P2RX6: variants seen among roughly 807,000 people sequenced by gnomAD.
The protein encoded by P2RX6 is purinergic receptor P2X 6.
A neutral mutation model predicts 54.2 loss-of-function variants in P2RX6; 62 were observed. The observed-to-expected ratio is 1.14, with a 90% CI of 0.93 to 1.41. The LOEUF (loss-of-function observed/expected upper bound fraction) is 1.41. Among genes scored for constraint, P2RX6 ranks in the 40% most tolerant of loss-of-function variants. The probability of loss-of-function intolerance (pLI) is 0.00; values close to 1 mark genes in which losing one functional copy is unlikely to be tolerated. For missense variants in P2RX6, 541 were observed against 566.3 expected, an observed-to-expected ratio of 0.96 and a Z score of 0.45; for synonymous variants, 211 against 231.9, an observed-to-expected ratio of 0.91 and a Z score of 0.82.
intron 2 of P2RX6, among the ~76,000 whole-genome samples, chr22:21,016,721 G>C (rs1384487531): frequency 6.6e-6 from 1 of 151,954 alleles, no homozygotes; most frequent in Non-Finnish European, 1.5e-5. Context: ...GAACTTCCCT[G>C]TAGCCCTGCT....
chr22:21,010,417 C>G (rs1925674508), upstream of P2RX6: 1 of 152,214 alleles, frequency 6.6e-6, no homozygotes, highest in South Asian at 2.1e-4. Flanking sequence ...AACTGCTTCT[C>G]TGGCAGTTAC....
At chr22:21,020,383 T>C (rs1407886159) in intron 3 of P2RX6, among the ~76,000 whole-genome samples, 1 of 151,966 alleles carries the variant, frequency 6.6e-6, no homozygotes, top group Non-Finnish European at 1.5e-5. Context: ...TGCACCATGC[T>C]CTTTATAGTG....
chr22:21,012,928 C>T (rs1925832315), upstream of P2RX6: 1 of 159,184 alleles, frequency 6.3e-6, no homozygotes, highest in Non-Finnish European at 1.4e-5. Flanking sequence ...TAGGGCATGC[C>T]TGGCACAGGC....
rs776819058 is a variant in P2RX6 at position 21,023,006 on chromosome 22, G to C, written c.528G>C (p.Trp176Cys). Residue 176 changes from tryptophan to cysteine, a missense_variant, in exon 5 of 12, where the codon TGG becomes TGC. Physicochemically the swap from Trp to Cys is radical, Grantham distance 215. This residue lies in a region of P2RX6 where 526 missense variants were observed against 531.5 expected (regional missense o/e 0.99). Transcript: ENST00000413302. ...ACAGGACCTGTGAGATCTGGAGTTG[G>C]TGCCCCGTGGAGAGTGGCGTTGTGC... ...GTHRTCEIWSWCPVESGVVPS... is the reference protein window; with the variant it reads ...GTHRTCEIWSCCPVESGVVPS... 6.8e-6 allele frequency: 11 copies of C among 1,613,384 alleles called. No individual in the cohort carries two copies. The highest frequency in any genetic ancestry group is 1.7e-5 in the Admixed American group (1 of 59,970).
upstream of P2RX6, chr22:21,011,487 A>G: frequency 1.4e-6 from 1 of 711,578 alleles, no homozygotes; most frequent in Non-Finnish European, 2.6e-6. Context: ...CCTCCAGGCC[A>G]TTCCCTGACA....
chr22:21,026,252 G>C lies in P2RX6; in HGVS notation c.1051G>C (p.Val351Leu). The C allele has an allele frequency of 6.3e-7, 1 of 1,593,508 alleles. No individual in the cohort carries two copies. The highest frequency in any genetic ancestry group is 8.5e-7 in the Non-Finnish European group (1 of 1,170,540). The stretch of plus-strand genomic sequence containing the variant: ...CATGGGTTGGCCCTGCCTCTCCCAG[G>C]TCACCTTTTTCTGTGACCTGCTACT... The part of the protein sequence containing the change: ...LGTGAAWLGV[V>L]TFFCDLLLLY... The change falls in exon 11 of 12, where the codon GTC (valine) becomes CTC (leucine). Residue 351 changes from valine (V) to leucine (L), a missense_variant and splice_region_variant. Around this residue, in one of 2 missense-constraint regions of P2RX6, gnomAD observed 526 missense variants for 531.5 expected, o/e 0.99. Transcript: ENST00000413302. The surrounding 1 kb of genome is among the most constrained non-coding windows in gnomAD (Gnocchi z 4.0).
intron 1 of P2RX6, among the ~76,000 whole-genome samples, chr22:21,015,627 C>A (rs953467350): frequency 2.6e-5 from 4 of 152,058 alleles, no homozygotes; most frequent in African/African-American, 9.7e-5. Context: ...GAGCACTAGG[C>A]CCCCAGAGAG....
chr22:21,026,190 T>C lies in P2RX6; in HGVS notation c.1051-62T>C. ...GCACATTGAGTCTCGGGGTGCAGGC[T>C]GGGGAGGTGGCAGGAGAGCAGGCTC... On this transcript the variant is annotated intron_variant, in intron 10 of 11. Coordinates refer to ENST00000413302, the MANE Select transcript of P2RX6 (RefSeq NM_005446.5). This position sits in a 1 kb window ranked among gnomAD's most constrained non-coding sequence, Gnocchi z 4.0. 1.3e-6 allele frequency: 2 copies of C among 1,541,034 alleles called. No homozygotes were observed. The highest frequency in any genetic ancestry group is 2.4e-5 in the South Asian group (2 of 84,746).
rs1601769525 is a variant in P2RX6, at chr22:21,022,975, G to A, written c.497G>A (p.Gly166Glu). The A allele has an allele frequency of 6.2e-7, 1 of 1,613,492 alleles. No homozygotes were observed. The highest frequency in any genetic ancestry group is 1.7e-5 in the Admixed American group (1 of 59,964). The change falls in exon 5 of 12, where the codon GGG becomes GAG. Residue 166 changes from glycine to glutamate, a missense_variant. Around this residue, in one of 2 missense-constraint regions of P2RX6, gnomAD observed 526 missense variants for 531.5 expected, o/e 0.99. Transcript: ENST00000413302. ...VKTGQCVVFN[G>E]THRTCEIWSW... ...ACAGGCCAGTGTGTGGTGTTCAATG[G>A]GACCCACAGGACCTGTGAGATCTGG...
At chr22:21,025,267 G>C (rs764353431) in intron 8 of P2RX6, among the ~76,000 whole-genome samples, 2 of 152,050 alleles carry the variant, frequency 1.3e-5, no homozygotes, top group Admixed American at 6.6e-5. Flanking sequence ...GCGTCACCTC[G>C]TCATGCAGGC....
chr22:21,015,955 G>T lies in P2RX6; in HGVS notation c.178G>T (p.Ala60Ser). The T allele has an allele frequency of 6.5e-7, 1 of 1,549,640 alleles. No homozygotes were observed. Among genetic ancestry groups the T allele is most frequent in the Non-Finnish European group, 8.7e-7 (1 of 1,146,898 alleles). ...TCTCCTCCCCAGGTGGGCTCTCCTC[G>T]CCAAAAAAGGCTACCAGGAGCGGGA... ...VVYVVGWALL[A>S]KKGYQERDLE... The change falls in exon 2 of 12, where the codon GCC (alanine) becomes TCC (serine). Residue 60 changes from alanine to serine, a missense_variant. Physicochemically the swap from Ala to Ser is moderately conservative, Grantham distance 99. This residue lies in a region of P2RX6 where 526 missense variants were observed against 531.5 expected (regional missense o/e 0.99). Coordinates refer to ENST00000413302, the MANE Select transcript of P2RX6 (RefSeq NM_005446.5).
At chr22:21,022,610 T>G (rs1192741944) in intron 3 of P2RX6, 66 bp from the exon 4 acceptor site, 1 of 1,273,414 alleles carries the variant, frequency 7.9e-7, no homozygotes, top group Non-Finnish European at 1.1e-6. Flanking sequence ...TCCCTGCCTT[T>G]GAGACTGGGC....
chr22:21,024,885 T>TTG (rs1400666442), intron 8 of P2RX6, among the ~76,000 whole-genome samples: 1 of 148,472 alleles, frequency 6.7e-6, no homozygotes, highest in Non-Finnish European at 1.5e-5. Flanking sequence ...TGTGTTTTTT[T>TTG]TTTTTTTTTT....
chr22:21,013,864 T>C (rs1224602116), upstream of P2RX6: 1 of 152,304 alleles, frequency 6.6e-6, no homozygotes, highest in Non-Finnish European at 1.5e-5. Flanking sequence ...TTTTCCATTT[T>C]AACCTCCTTC....
In P2RX6 at chr22:21,026,781, G is replaced by A; in HGVS notation, c.*164G>A. The A allele has an allele frequency of 7.2e-7, 1 of 1,383,916 alleles. No homozygotes were observed. Among genetic ancestry groups the A allele is most frequent in the South Asian group, 1.5e-5 (1 of 66,000 alleles). 85.7% of individuals were successfully genotyped at this position (1,383,916 alleles called of 1,614,324 possible). A position where few individuals can be genotyped will look rare whatever the true frequency, so the allele number is the denominator to read the frequency against. Reference sequence around the variant, plus strand: ...CCACCTTGGTAGGGTGCTGCCTCAGGGAGCCATAGAAGTCGGCTGTGTTTT... The same window carrying A: ...CCACCTTGGTAGGGTGCTGCCTCAGAGAGCCATAGAAGTCGGCTGTGTTTT... On this transcript the variant is annotated 3_prime_UTR_variant, in exon 12 of 12. Coordinates refer to ENST00000413302, the MANE Select transcript of P2RX6 (RefSeq NM_005446.5). The surrounding 1 kb of genome is among the most constrained non-coding windows in gnomAD (Gnocchi z 4.0).
Position 21,023,416 on chromosome 22 carries a change from G to A in P2RX6, c.780G>A (p.Leu260=), listed in dbSNP as rs368526868. ...GGACCTTCGAGGACCTGGCGTTGCT[G>A]GTGGGTCCCAAGTTGGGGGCAGGGT... ...AGGTFEDLAL[L]GGSVGIRVHW... Residue 260 remains leucine, a splice_region_variant and synonymous_variant, in exon 7 of 12, where the codon CTG becomes CTA. Coordinates refer to ENST00000413302, the MANE Select transcript of P2RX6 (RefSeq NM_005446.5). 1.2e-6 allele frequency: 2 copies of A among 1,614,020 alleles called. No individual in the cohort carries two copies. Among genetic ancestry groups the A allele is most frequent in the Non-Finnish European group, 1.7e-6 (2 of 1,179,884 alleles).
At chr22:21,011,510 G>A (rs1418493189), upstream of P2RX6, 11 of 713,440 alleles carry the variant, frequency 1.5e-5, no homozygotes, top group East Asian at 2.7e-5. Flanking sequence ...TGCATCTTCC[G>A]CATGGCCTGG....
intron 3 of P2RX6, among the ~76,000 whole-genome samples, chr22:21,020,354 GC>G (rs1927133087): frequency 6.6e-6 from 1 of 152,134 alleles, no homozygotes. Context: ...GGATCCTGGT[GC>G]CTGATCCCTC....
upstream of P2RX6, chr22:21,012,993 C>T (rs1055432835): frequency 1.9e-5 from 3 of 155,992 alleles, no homozygotes; most frequent in African/African-American, 2.4e-5. Context: ...GCTGTTGTCT[C>T]CCGGGGCCTC....
Sources: gnomAD v4.1 joint callset for allele counts (sites outside exome capture counted in the v4.1 genomes callset) on GRCh38, gnomAD v4.1.1 for gene constraint, gnomAD v4.1.1 regional missense constraint, Gnocchi (gnomAD v3.1) non-coding constraint, MANE v1.5 for transcripts, NCBI Gene and HGNC (gene_info 2026-07-23, HGNC 2026-07-21) for gene names.